SAMD8: variants seen among roughly 807,000 people sequenced by gnomAD.
The protein encoded by SAMD8 is sphingomyelin synthase-related protein 1.
A neutral mutation model predicts 42.0 loss-of-function variants in SAMD8; 20 were observed. The observed-to-expected ratio is 0.48, with a 90% CI of 0.34 to 0.69. The LOEUF (loss-of-function observed/expected upper bound fraction) is 0.69. Among genes scored for constraint, SAMD8 ranks in the 30% least tolerant of loss-of-function variants. The pLI is 0.01. For missense variants in SAMD8, 328 were observed against 511.6 expected (o/e 0.64, Z 3.46); for synonymous variants, 162 against 173.0 (o/e 0.94, Z 0.50).
chr10:75,140,365 A>G (rs1839985469), intron 1 of SAMD8, among the ~76,000 whole-genome samples: 1 of 152,170 alleles, frequency 6.6e-6, no homozygotes, highest in Non-Finnish European at 1.5e-5. Context: ...TCTGCCTCCC[A>G]AAGTACTGGG....
chr10:75,149,552 G>C (rs1840231307), intron 1 of SAMD8, among the ~76,000 whole-genome samples: 1 of 152,100 alleles, frequency 6.6e-6, no homozygotes, highest in South Asian at 2.1e-4. Context: ...TAGTTTAAAG[G>C]CTTCATATCT....
intron 1 of SAMD8, among the ~76,000 whole-genome samples, chr10:75,146,380 G>A (rs900156058): frequency 1.4e-5 from 2 of 147,934 alleles, no homozygotes; most frequent in Non-Finnish European, 3.0e-5. Context: ...CGCCTCCCGG[G>A]TTCAAGCCAT....
chr10:75,149,787 A>T (rs962497248), intron 1 of SAMD8, among the ~76,000 whole-genome samples: 2 of 152,106 alleles, frequency 1.3e-5, no homozygotes, highest in Non-Finnish European at 2.9e-5. Context: ...AAAGTATTAA[A>T]ATGGGATTTT....
chr10:75,115,759 T>C (rs1848865515), intron 1 of SAMD8, among the ~76,000 whole-genome samples: 1 of 151,816 alleles, frequency 6.6e-6, no homozygotes, highest in Non-Finnish European at 1.5e-5. Context: ...GCGAACACGG[T>C]GAAACCCCGT....
chr10:75,136,794 T>C lies in SAMD8; in HGVS notation c.-15-13720T>C, dbSNP rs146991053. Among the ~76,000 whole-genome samples the C allele has an allele frequency of 2.4e-4, 36 of 152,266 alleles. No homozygotes were observed. In the East Asian group the frequency reaches 4.0e-3, roughly 17 times the overall value. On this transcript the variant is annotated intron_variant, in intron 1 of 5. Transcript: ENST00000542569. ...AGTAGGTGTTTCTCCAAGCAAAATA[T>C]ACAAAGGTCTAGTAAGCATATGAAA...
At chr10:75,172,630 T>G (rs185623392) in intron 4 of SAMD8, among the ~76,000 whole-genome samples, 278 of 152,194 alleles carry the variant, frequency 1.8e-3, no homozygotes, top group African/African-American at 6.4e-3. Context: ...CCCAAGTAAC[T>G]GGGATCACAG....
At chr10:75,121,068 C>G (rs1848994863) in intron 1 of SAMD8, among the ~76,000 whole-genome samples, 1 of 152,020 alleles carries the variant, frequency 6.6e-6, no homozygotes, top group African/African-American at 2.4e-5. Flanking sequence ...GGAGCCACCA[C>G]ACCCGGACTT....
upstream of SAMD8, among the ~76,000 whole-genome samples, chr10:75,110,068 C>G (rs550061592): frequency 6.6e-6 from 1 of 152,198 alleles, no homozygotes; most frequent in Non-Finnish European, 1.5e-5. Flanking sequence ...CAGCCTGCCT[C>G]GGCCTCCCAA....
rs1848803599 is a variant in SAMD8 at position 75,112,757 on chromosome 10, TA to T, written c.-16+1040del. Among the ~76,000 whole-genome samples the T allele has an allele frequency of 5.3e-5, 8 of 152,334 alleles. No individual in the cohort carries two copies. In the South Asian group the frequency reaches 1.2e-3, roughly 24 times the overall value. ...AACAAGACTTTGGATACTCAGATTT[TA>T]AAAATTAAACTTGAAACAAGAATTT... On this transcript the variant is annotated intron_variant, in intron 1 of 5. Transcript: ENST00000542569.
chr10:75,138,744 T>C (rs903216363), intron 1 of SAMD8, among the ~76,000 whole-genome samples: 1 of 152,108 alleles, frequency 6.6e-6, no homozygotes, highest in African/African-American at 2.4e-5. Flanking sequence ...TGCTGAAAAT[T>C]GCACTTCTTA....
intron 1 of SAMD8, among the ~76,000 whole-genome samples, chr10:75,128,402 A>G (rs1172159173): frequency 6.6e-6 from 1 of 152,032 alleles, no homozygotes; most frequent in Non-Finnish European, 1.5e-5. Flanking sequence ...AATAAAAACA[A>G]GGTCTCCATA....
At chr10:75,106,940 A>G (rs926568619), upstream of SAMD8, among the ~76,000 whole-genome samples, 1 of 152,236 alleles carries the variant, frequency 6.6e-6, no homozygotes, top group Admixed American at 6.5e-5. Flanking sequence ...ACAGTGAGGG[A>G]CACAGCTGTC....
At chr10:75,113,527 A>G (rs758311035) in intron 1 of SAMD8, among the ~76,000 whole-genome samples, 9 of 152,072 alleles carry the variant, frequency 5.9e-5, no homozygotes, top group Non-Finnish European at 1.2e-4. Flanking sequence ...GTTAGCATCA[A>G]GCGTTTTCTA....
chr10:75,164,642 C>T lies in SAMD8; in HGVS notation c.579-3C>T. 6.2e-7 allele frequency: 1 copy of T among 1,612,928 alleles called. No individual in the cohort carries two copies. Among genetic ancestry groups the T allele is most frequent in the Non-Finnish European group, 8.5e-7 (1 of 1,179,386 alleles). ...AATTCAAAATCATTTTTTTCTGTTC[C>T]AGCGTTCCTAGAATCCCATGGGCCT... On this transcript the variant is annotated splice_polypyrimidine_tract_variant and splice_region_variant and intron_variant, in intron 2 of 5. Coordinates refer to ENST00000542569, the MANE Select transcript of SAMD8 (RefSeq NM_001174156.2).
In SAMD8 at chr10:75,177,502, C is replaced by T. The variant is rs1195532428; in HGVS notation, c.*810C>T. 6.6e-6 allele frequency: 1 copy of T among 152,116 alleles called. No homozygotes were observed. The highest frequency in any genetic ancestry group is 6.5e-5 in the Admixed American group (1 of 15,268). 9.4% of individuals were successfully genotyped at this position (152,116 alleles called of 1,614,324 possible). ...TCTTTGTGCTATAGTTGTTAGATGA[C>T]AGTTCAATTTTATGCTTTTTTAATG... On this transcript the variant is annotated 3_prime_UTR_variant, in exon 6 of 6. Coordinates refer to ENST00000542569, the MANE Select transcript of SAMD8 (RefSeq NM_001174156.2).
intron 1 of SAMD8, among the ~76,000 whole-genome samples, chr10:75,121,772 A>G (rs1317763139): frequency 6.6e-6 from 1 of 151,980 alleles, no homozygotes; most frequent in Non-Finnish European, 1.5e-5. Context: ...GCTCACTGCA[A>G]CCTCTGCCTC....
intron 2 of SAMD8, among the ~76,000 whole-genome samples, chr10:75,158,791 G>A (rs1231580264): frequency 6.6e-6 from 1 of 152,020 alleles, no homozygotes; most frequent in Admixed American, 6.6e-5. Flanking sequence ...TGTCTATTCT[G>A]GACATTTCGT....
At chr10:75,112,232 GC>G (rs989339537) in intron 1 of SAMD8, among the ~76,000 whole-genome samples, 6 of 152,198 alleles carry the variant, frequency 3.9e-5, no homozygotes, top group Admixed American at 3.9e-4. Flanking sequence ...CCCGGGTGGG[GC>G]TGGTGGTGAT....
At chr10:75,137,763 T>C (rs908317305) in intron 1 of SAMD8, among the ~76,000 whole-genome samples, 2 of 152,202 alleles carry the variant, frequency 1.3e-5, no homozygotes, top group African/African-American at 2.4e-5. Context: ...GGGTTTTTGC[T>C]TGGAGTGATG....
Sources: allele counts gnomAD v4.1 joint callset (sites outside exome capture counted in the v4.1 genomes callset), GRCh38; gene constraint gnomAD v4.1.1; transcripts MANE v1.5; gene names NCBI Gene and HGNC (gene_info 2026-07-23, HGNC 2026-07-21).